The following NREP variants were observed in gnomAD, a reference collection of about 807,000 sequenced individuals.
NREP encodes the protein neuronal regeneration related protein.
NREP carries 5 observed loss-of-function variants against 8.6 expected under a neutral mutation model. That is an observed-to-expected ratio of 0.58 (90% CI 0.30 to 1.22). The LOEUF is 1.22. Among genes scored for constraint, NREP ranks in the 50% most tolerant of loss-of-function variants. The pLI is 0.07. For synonymous variants in NREP, 27 were observed against 28.0 expected (o/e 0.96, Z 0.11); for missense variants, 86 against 82.5 (o/e 1.04, Z -0.17).
intron 2 of NREP, among the ~76,000 whole-genome samples, chr5:111,902,124 A>G (rs1173543389): frequency 6.6e-6 from 1 of 152,180 alleles, no homozygotes; most frequent in African/African-American, 2.4e-5. Flanking sequence ...AACATAATAA[A>G]GAACCCAGAA....
At chr5:111,911,169 A>G (rs1754902329) in intron 2 of NREP, among the ~76,000 whole-genome samples, 1 of 152,028 alleles carries the variant, frequency 6.6e-6, no homozygotes, top group South Asian at 2.1e-4. Context: ...AGTGTTCTGG[A>G]TATCACCCCG....
At chr5:111,842,969 G>T (rs938717473) in intron 2 of NREP, among the ~76,000 whole-genome samples, 1 of 152,008 alleles carries the variant, frequency 6.6e-6, no homozygotes, top group Non-Finnish European at 1.5e-5. Flanking sequence ...CTTTTCTCTC[G>T]CTAAAATTCT....
chr5:111,919,982 C>CTA (rs1554053124), intron 2 of NREP, among the ~76,000 whole-genome samples: 7 of 142,536 alleles, frequency 4.9e-5, no homozygotes, highest in Non-Finnish European at 1.1e-4. Context: ...TACCCCCCCC[C>CTA]CCCACACACA....
chr5:111,939,430 C>A (rs546064948), intron 2 of NREP, among the ~76,000 whole-genome samples: 5 of 152,034 alleles, frequency 3.3e-5, no homozygotes, highest in Admixed American at 3.3e-4. Context: ...CCAGACATTA[C>A]AGTCTGGGAA....
At chr5:111,799,001 A>G (rs915109260) in intron 2 of NREP, among the ~76,000 whole-genome samples, 3 of 152,218 alleles carry the variant, frequency 2.0e-5, no homozygotes, top group African/African-American at 7.2e-5. Context: ...AAATCTCCAC[A>G]TTATTTTCCA....
At chr5:111,731,575 T>C (rs974522109) in intron 3 of NREP, among the ~76,000 whole-genome samples, 3 of 152,138 alleles carry the variant, frequency 2.0e-5, no homozygotes, top group African/African-American at 7.2e-5. Context: ...AATCGGCGCA[T>C]GACAGAAGTG....
rs1295156003 is a variant in NREP at position 111,731,403 on chromosome 5, A to AGT, written c.82-358_82-357insAC. ...ACCTTAGACTGGGTGATTGATAGAT[A>AGT]CTCACAGGAGTGTCAGTTGATAATT... On this transcript the variant is annotated intron_variant, in intron 3 of 3. Transcript: ENST00000257435. Among the ~76,000 whole-genome samples the AGT allele has an allele frequency of 5.4e-4, 78 of 145,310 alleles. 1 individual carries two copies. Among genetic ancestry groups the AGT allele is most frequent in the African/African-American group, 2.0e-3 (77 of 38,676 alleles).
intron 2 of NREP, among the ~76,000 whole-genome samples, chr5:111,967,493 C>T (rs1203725874): frequency 6.6e-6 from 1 of 152,184 alleles, no homozygotes; most frequent in Non-Finnish European, 1.5e-5. Context: ...AGCTAAAGTC[C>T]TCATCCTGAC....
intron 2 of NREP, among the ~76,000 whole-genome samples, chr5:111,816,626 CTAA>C (rs1206849995): frequency 1.3e-5 from 2 of 150,412 alleles, no homozygotes; most frequent in African/African-American, 4.9e-5. Context: ...TACATAATAC[CTAA>C]TACTAAGGGC....
At chr5:111,874,617 C>A (rs1440603421) in intron 2 of NREP, among the ~76,000 whole-genome samples, 1 of 152,120 alleles carries the variant, frequency 6.6e-6, no homozygotes, top group Non-Finnish European at 1.5e-5. Flanking sequence ...CAGTAAAGAC[C>A]TTTGGAGCCG....
chr5:111,862,103 C>A (rs958791618), intron 2 of NREP, among the ~76,000 whole-genome samples: 3 of 152,094 alleles, frequency 2.0e-5, no homozygotes, highest in Non-Finnish European at 4.4e-5. Flanking sequence ...AAGTGCAATT[C>A]TTTGTATAAA....
chr5:111,974,405 G>T (rs201123097), intron 2 of NREP: 1 of 60,640 alleles, frequency 1.6e-5, no homozygotes, highest in Non-Finnish European at 3.3e-5. Flanking sequence ...ACATTAGAAC[G>T]CATCATAAAC....
chr5:111,883,152 A>C (rs945208956), intron 2 of NREP, among the ~76,000 whole-genome samples: 3 of 152,216 alleles, frequency 2.0e-5, no homozygotes, highest in Non-Finnish European at 4.4e-5. Flanking sequence ...CAAATGGAAA[A>C]CAAAAAAAGG....
At chr5:111,757,564 G>C, upstream of NREP, 1 of 984,650 alleles carries the variant, frequency 1.0e-6, no homozygotes, top group Non-Finnish European at 1.2e-6. Context: ...CTGCTTACTC[G>C]GCAGGAATCG....
rs34667486 is a variant in NREP at position 111,871,053 on chromosome 5, CGTGTGTGTGTGT to C, written c.135+104209_135+104220del. Among the ~76,000 whole-genome samples the C allele has an allele frequency of 4.9e-5, 7 of 142,606 alleles. No individual in the cohort carries two copies. In the South Asian group the frequency reaches 7.0e-4, roughly 14 times the overall value. The allele number at this position is 142,606 out of a possible 152,430, so 93.6% of individuals were successfully genotyped here. A position where few individuals can be genotyped will look rare whatever the true frequency, so the allele number is the denominator to read the frequency against. On this transcript the variant is annotated intron_variant, in intron 2 of 3. Transcript: ENST00000395634. ...TTCTCTAGAAAAACAGAACCAATGG[CGTGTGTGTGTGT>C]GTGTGTGTGTGTGTGTGTGTGTGTA... is the stretch of plus-strand genomic sequence containing the variant.
intron 2 of NREP, among the ~76,000 whole-genome samples, chr5:111,915,232 A>G (rs1054053967): frequency 3.0e-4 from 45 of 152,242 alleles, no homozygotes; most frequent in African/African-American, 9.9e-4. Context: ...AAAGACAATG[A>G]AAGTCCAGTG....
intron 2 of NREP, among the ~76,000 whole-genome samples, chr5:111,844,655 A>T (rs892071735): frequency 2.1e-5 from 3 of 145,426 alleles, no homozygotes; most frequent in African/African-American, 7.4e-5. Context: ...ACTAATATAT[A>T]TATTATATAT....
At chr5:111,960,915 AAATC>A (rs1274116373) in intron 2 of NREP, among the ~76,000 whole-genome samples, 23 of 152,244 alleles carry the variant, frequency 1.5e-4, no homozygotes, top group African/African-American at 5.5e-4. Flanking sequence ...TAATTTTAAA[AAATC>A]AATCTATGAG....
chr5:111,813,044 T>C (rs1581135730), intron 2 of NREP, among the ~76,000 whole-genome samples: 1 of 152,208 alleles, frequency 6.6e-6, no homozygotes, highest in Admixed American at 6.5e-5. Context: ...TTTTATCTTA[T>C]AGGTACCCTA....
Sources: gnomAD v4.1 joint callset for allele counts (sites outside exome capture counted in the v4.1 genomes callset) on GRCh38, gnomAD v4.1.1 for gene constraint, MANE v1.5 for transcripts, NCBI Gene and HGNC (gene_info 2026-07-23, HGNC 2026-07-21) for gene names.